Variants in PCDH7 observed in about 807,000 individuals in gnomAD.
PCDH7 encodes protocadherin 7, also known as protocadherin-7.
In PCDH7, 17 loss-of-function variants were observed where a neutral mutation model predicts 58.9. That is an observed-to-expected ratio of 0.29 (90% confidence interval 0.20 to 0.43). The LOEUF (loss-of-function observed/expected upper bound fraction) is 0.43, where lower values mean the gene tolerates loss of function less well. Among genes scored for constraint, PCDH7 ranks in the 20% least tolerant of loss-of-function variants. PCDH7 has a pLI of 1.00. For missense variants in PCDH7, 1,274 were observed against 1,441.0 expected, an observed-to-expected ratio of 0.88 and a Z score of 1.88; for synonymous variants, 664 against 616.4, an observed-to-expected ratio of 1.08 and a Z score of -1.14.
At chr4:31,052,343 A>T (rs951987615) in intron 3 of PCDH7, among the ~76,000 whole-genome samples, 2 of 152,132 alleles carry the variant, frequency 1.3e-5, no homozygotes, top group South Asian at 4.1e-4. Context: ...ACACCACTGA[A>T]CATTTTGAAA....
intron 1 of PCDH7, among the ~76,000 whole-genome samples, chr4:30,907,505 A>G (rs969172417): frequency 1.3e-5 from 2 of 152,248 alleles, no homozygotes; most frequent in African/African-American, 4.8e-5. Context: ...AAAAATGCTT[A>G]TCATCACTGG....
At chr4:30,859,479 T>G (rs13104143) in intron 1 of PCDH7, among the ~76,000 whole-genome samples, 49,017 of 150,642 alleles carry the variant, frequency 0.33, 8,467 homozygotes, top group African/African-American at 0.44. Flanking sequence ...TTACTCTGTC[T>G]CCCAGGCTGG....
Position 31,056,635 on chromosome 4 carries a change from GGA to G in PCDH7, c.*8-85825_*8-85824del, listed in dbSNP as rs777023500. 1.8e-3 allele frequency among the ~76,000 whole-genome samples: 268 copies of G among 147,852 alleles called. 2 individuals carry two copies. The highest frequency in any genetic ancestry group is 5.3e-3 in the Admixed American group (78 of 14,732). On this transcript the variant is annotated intron_variant, in intron 3 of 3. Transcript: ENST00000509759. ...AGAGAGTGAAAGACAGAGAGAGAGA[GGA>G]GAGAGAGAGAGAAAGAGAGAGAGGA...
chr4:30,780,417 G>A (rs1473830309), intron 1 of PCDH7, among the ~76,000 whole-genome samples: 1 of 151,522 alleles, frequency 6.6e-6, no homozygotes, highest in African/African-American at 2.4e-5. Context: ...TGAGGCAGGA[G>A]AATCGCTTGA....
intron 1 of PCDH7, among the ~76,000 whole-genome samples, chr4:30,823,034 C>T (rs1168448519): frequency 6.6e-6 from 1 of 152,234 alleles, no homozygotes; most frequent in Non-Finnish European, 1.5e-5. Context: ...ACAGGCATCA[C>T]CAGAAATGAG....
At chr4:30,857,842 T>A (rs1008876615) in intron 1 of PCDH7, among the ~76,000 whole-genome samples, 4 of 152,138 alleles carry the variant, frequency 2.6e-5, no homozygotes, top group Admixed American at 6.6e-5. Context: ...AAAGTGCAGA[T>A]CCCAGTCTTC....
chr4:30,901,498 C>T (rs1221292961), intron 1 of PCDH7, among the ~76,000 whole-genome samples: 3 of 152,092 alleles, frequency 2.0e-5, no homozygotes, highest in African/African-American at 7.2e-5. Context: ...GTGGTTCAGA[C>T]ATCAATATTT....
intron 3 of PCDH7, among the ~76,000 whole-genome samples, chr4:31,020,365 C>G (rs940462972): frequency 1.3e-5 from 2 of 152,222 alleles, no homozygotes; most frequent in Non-Finnish European, 2.9e-5. Context: ...CTCTCTCCCT[C>G]TCTCGCACGC....
At chr4:31,037,922 G>A (rs1008025058) in intron 3 of PCDH7, among the ~76,000 whole-genome samples, 1 of 152,232 alleles carries the variant, frequency 6.6e-6, no homozygotes, top group Non-Finnish European at 1.5e-5. Flanking sequence ...GATGATGGGT[G>A]TTTTCTGGCT....
intron 1 of PCDH7, among the ~76,000 whole-genome samples, chr4:30,823,969 C>A (rs1728699642): frequency 6.6e-6 from 1 of 152,124 alleles, no homozygotes; most frequent in Non-Finnish European, 1.5e-5. Context: ...AACCCAGAAT[C>A]TGGAGAAGCC....
At chr4:30,887,663 T>G (rs1041027425) in intron 1 of PCDH7, among the ~76,000 whole-genome samples, 5 of 152,188 alleles carry the variant, frequency 3.3e-5, no homozygotes, top group Non-Finnish European at 2.9e-5. Context: ...ATAATTTTGT[T>G]GATTTATTAG....
intron 3 of PCDH7, among the ~76,000 whole-genome samples, chr4:30,979,478 C>T (rs1317471367): frequency 1.3e-5 from 2 of 151,954 alleles, no homozygotes; most frequent in African/African-American, 4.8e-5. Flanking sequence ...TTACAAATAT[C>T]AATTCTGATA....
At chr4:30,941,259 A>G (rs1746006294) in intron 2 of PCDH7, among the ~76,000 whole-genome samples, 1 of 151,972 alleles carries the variant, frequency 6.6e-6, no homozygotes, top group South Asian at 2.1e-4. Flanking sequence ...CTTCCATTCT[A>G]CATGTCTGTG....
chr4:30,847,929 A>T (rs567111477), intron 1 of PCDH7, among the ~76,000 whole-genome samples: 1 of 152,170 alleles, frequency 6.6e-6, no homozygotes, highest in Admixed American at 6.6e-5. Context: ...GAATAAAGGT[A>T]GACTATTAAC....
chr4:31,095,566 C>CA (rs562733318), intron 3 of PCDH7, among the ~76,000 whole-genome samples: 1 of 151,582 alleles, frequency 6.6e-6, no homozygotes, highest in Non-Finnish European at 1.5e-5. Flanking sequence ...CATTTTTATT[C>CA]AAAAAAATAA....
chr4:30,857,828 A>C (rs1366832849), intron 1 of PCDH7, among the ~76,000 whole-genome samples: 1 of 152,142 alleles, frequency 6.6e-6, no homozygotes, highest in Non-Finnish European at 1.5e-5. Context: ...GTTTATGTTG[A>C]ATCAAAGTGC....
chr4:30,876,899 T>G (rs987325894), intron 1 of PCDH7, among the ~76,000 whole-genome samples: 1 of 152,008 alleles, frequency 6.6e-6, no homozygotes, highest in African/African-American at 2.4e-5. Context: ...ATGCTCTCTG[T>G]CCCCTTTCTA....
intron 3 of PCDH7, among the ~76,000 whole-genome samples, chr4:31,041,597 G>A (rs907152939): frequency 6.6e-6 from 1 of 151,972 alleles, no homozygotes; most frequent in African/African-American, 2.4e-5. Context: ...CTTGCATTGA[G>A]CAGTCCTACA....
chr4:30,758,615 C>T (rs919168178), intron 1 of PCDH7, among the ~76,000 whole-genome samples: 32 of 152,112 alleles, frequency 2.1e-4, no homozygotes, highest in African/African-American at 6.3e-4. Context: ...TCTGCAATAG[C>T]ATGACAGTTG....
Sources: allele counts gnomAD v4.1 joint callset (sites outside exome capture counted in the v4.1 genomes callset), GRCh38; gene constraint gnomAD v4.1.1; transcripts MANE v1.5; gene names NCBI Gene and HGNC (gene_info 2026-07-23, HGNC 2026-07-21).